MYLK: variants seen among roughly 807,000 people sequenced by gnomAD.
MYLK encodes myosin light chain kinase, smooth muscle.
In MYLK, 106 loss-of-function variants were observed where a neutral mutation model predicts 203.4. That is an observed-to-expected ratio of 0.52 (90% CI 0.45 to 0.61). The LOEUF (loss-of-function observed/expected upper bound fraction) is 0.61. MYLK is among the 20% of genes least tolerant of loss of function. The probability of loss-of-function intolerance (pLI) is 0.00; values close to 1 mark genes in which losing one functional copy is unlikely to be tolerated. For synonymous variants in MYLK, 867 were observed against 959.5 expected (o/e 0.90, Z 1.78); for missense variants, 2,072 against 2,442.3 (o/e 0.85, Z 3.20).
chr3:123,680,727 T>C (rs565209248), intron 20 of MYLK, among the ~76,000 whole-genome samples: 29 of 152,298 alleles, frequency 1.9e-4, no homozygotes, highest in Admixed American at 5.2e-4. Context: ...TAAAATAAAG[T>C]CACAAAACAC....
intron 2 of MYLK, among the ~76,000 whole-genome samples, chr3:123,862,876 G>C (rs1414879100): frequency 6.6e-6 from 1 of 151,952 alleles, no homozygotes; most frequent in African/African-American, 2.4e-5. Flanking sequence ...GTATCCCATG[G>C]GCTCCCCAGC....
chr3:123,720,235 T>C (rs1253341083), intron 13 of MYLK, among the ~76,000 whole-genome samples: 2 of 152,092 alleles, frequency 1.3e-5, no homozygotes, highest in Non-Finnish European at 2.9e-5. Context: ...ATCCTTCAGG[T>C]CCCAGCCCCC....
intron 1 of MYLK, among the ~76,000 whole-genome samples, chr3:123,881,315 C>A (rs2033521755): frequency 6.6e-6 from 1 of 152,170 alleles, no homozygotes; most frequent in South Asian, 2.1e-4. Context: ...ATTTTCCATG[C>A]AAATGGCCCT....
chr3:123,875,527 T>G (rs1003303586), intron 2 of MYLK, among the ~76,000 whole-genome samples: 4 of 152,176 alleles, frequency 2.6e-5, no homozygotes, highest in Non-Finnish European at 5.9e-5. Context: ...CTTCTGTATC[T>G]CAATTGTGAT....
At chr3:123,759,946 T>A (rs763235549) in intron 4 of MYLK, among the ~76,000 whole-genome samples, 6 of 152,152 alleles carry the variant, frequency 3.9e-5, no homozygotes, top group Non-Finnish European at 8.8e-5. Flanking sequence ...ACAATACATA[T>A]CTTTTGCTTA....
intron 4 of MYLK, among the ~76,000 whole-genome samples, chr3:123,773,390 G>A (rs924220578): frequency 3.3e-5 from 5 of 152,108 alleles, no homozygotes; most frequent in African/African-American, 1.2e-4. Context: ...TAAGGAACAC[G>A]TTTTACTTTC....
rs775672251 is a variant in MYLK at position 123,640,450 on chromosome 3, C to T, written c.4674G>A (p.Thr1558=). 3.1e-5 allele frequency: 50 copies of T among 1,613,952 alleles called. No individual in the cohort carries two copies. Among genetic ancestry groups the T allele is most frequent in the East Asian group, 6.7e-5 (3 of 44,874 alleles). ...GCATGTACTTGATGCACTCACGCTC[C>T]GTCAGCTCAAAGTCCTCGTCAATGA... The part of the protein sequence containing the change: ...ERIIDEDFEL[T]ERECIKYMRQ... The change falls in exon 28 of 34, where the codon ACG becomes ACA. Residue 1558 remains threonine, a synonymous_variant. Coordinates refer to ENST00000360304, the MANE Select transcript of MYLK (RefSeq NM_053025.4). The surrounding 1 kb of genome is among the most constrained non-coding windows in gnomAD (Gnocchi z 4.3).
chr3:123,752,672 A>T (rs1466936325), intron 4 of MYLK, 134 bp from the exon 5 acceptor site: 9 of 972,830 alleles, frequency 9.3e-6, no homozygotes, highest in South Asian at 1.4e-5. Context: ...CTCATTTTAC[A>T]GATAAGGAAA....
chr3:123,774,477 C>T (rs2063993221), intron 4 of MYLK, among the ~76,000 whole-genome samples: 1 of 149,856 alleles, frequency 6.7e-6, no homozygotes, highest in Non-Finnish European at 1.5e-5. Context: ...TGTTACCATA[C>T]TAATTTTATA....
chr3:123,732,869 C>A (rs143790056), intron 11 of MYLK, 27 bp downstream of exon 11: 2 of 1,601,068 alleles, frequency 1.2e-6, no homozygotes, highest in East Asian at 2.2e-5. Flanking sequence ...ACAGAGAATG[C>A]GGGGTGACCT....
At chr3:123,721,347 C>T (rs969255621) in intron 13 of MYLK, among the ~76,000 whole-genome samples, 2 of 152,074 alleles carry the variant, frequency 1.3e-5, no homozygotes, top group Non-Finnish European at 2.9e-5. Flanking sequence ...GGGGCATAGG[C>T]TCAGGGTGAT....
Position 123,701,423 on chromosome 3 carries a change from C to T in MYLK, c.2462+15G>A. ...GGGGGCATGGCCTGGAGGGGCAGCT[C>T]CTGGGGGCACTCACCGTGGAAGGGC... On this transcript the variant is annotated intron_variant, in intron 17 of 33. Coordinates refer to ENST00000360304, the MANE Select transcript of MYLK (RefSeq NM_053025.4). 2 of 1,613,814 alleles carry T rather than the reference C, an allele frequency of 1.2e-6. No individual in the cohort carries two copies. Among genetic ancestry groups the T allele is most frequent in the Non-Finnish European group, 1.7e-6 (2 of 1,179,890 alleles).
chr3:123,707,641 A>G, intron 16 of MYLK, 113 bp downstream of exon 16: 1 of 1,544,098 alleles, frequency 6.5e-7, no homozygotes, highest in South Asian at 1.1e-5. Flanking sequence ...CTTTACCTGG[A>G]AGTCCAAGCC....
chr3:123,856,496 A>C (rs928044262), intron 2 of MYLK, among the ~76,000 whole-genome samples: 1 of 152,210 alleles, frequency 6.6e-6, no homozygotes, highest in East Asian at 1.9e-4. Context: ...ATCCATTCAA[A>C]TATTTATTGA....
intron 1 of MYLK, among the ~76,000 whole-genome samples, chr3:123,880,605 A>AG (rs1450015712): frequency 4.8e-5 from 7 of 145,720 alleles, no homozygotes; most frequent in Admixed American, 3.4e-4. Flanking sequence ...AGAGGGTGGA[A>AG]GGGGGGCAAG....
intron 3 of MYLK, among the ~76,000 whole-genome samples, chr3:123,829,852 A>C (rs1481698395): frequency 6.6e-6 from 1 of 152,212 alleles, no homozygotes; most frequent in Non-Finnish European, 1.5e-5. Context: ...CATGAGTTCT[A>C]GACTGCCTTT....
chr3:123,733,191 G>GA (rs2062548646), intron 10 of MYLK, 89 bp from the exon 11 acceptor site: 2 of 1,430,790 alleles, frequency 1.4e-6, no homozygotes, highest in Admixed American at 3.9e-5. Flanking sequence ...TGAGCTGGAG[G>GA]AAAGGGCTCA....
chr3:123,792,673 T>C (rs1348357611), intron 4 of MYLK, among the ~76,000 whole-genome samples: 1 of 152,174 alleles, frequency 6.6e-6, no homozygotes, highest in Non-Finnish European at 1.5e-5. Context: ...CGATTCTTCC[T>C]GTTGCTTCTC....
intron 11 of MYLK, among the ~76,000 whole-genome samples, chr3:123,726,510 T>A (rs2062292187): frequency 6.6e-6 from 1 of 152,158 alleles, no homozygotes; most frequent in South Asian, 2.1e-4. Flanking sequence ...GAGTATCTCT[T>A]TACTTGTATA....
Sources: gnomAD v4.1 joint callset for allele counts (sites outside exome capture counted in the v4.1 genomes callset) on GRCh38, gnomAD v4.1.1 for gene constraint, Gnocchi (gnomAD v3.1) non-coding constraint, MANE v1.5 for transcripts, NCBI Gene and HGNC (gene_info 2026-07-23, HGNC 2026-07-21) for gene names.